TEX36: variants seen among roughly 807,000 people sequenced by gnomAD.
The protein encoded by TEX36 is testis expressed 36, also known as testis-expressed protein 36.
In TEX36, 12 loss-of-function variants were observed where a neutral mutation model predicts 13.6. The observed-to-expected ratio is 0.88, with a 90% CI of 0.56 to 1.43. The LOEUF is 1.43. Among genes scored for constraint, TEX36 ranks in the 40% most tolerant of loss-of-function variants. TEX36 has a pLI of 0.00. For synonymous variants in TEX36, 93 were observed against 83.0 expected (o/e 1.12, Z -0.65); for missense variants, 224 against 228.3 (o/e 0.98, Z 0.12).
chr10:125,661,768 TTGGCCCAACG>T, intron 2 of TEX36, 68 bp downstream of exon 2: 1 of 1,516,428 alleles, frequency 6.6e-7, no homozygotes, highest in Non-Finnish European at 8.9e-7. Context: ...GAAGAATTGT[TTGGCCCAACG>T]TGCCAGCGGC....
intron 3 of TEX36, among the ~76,000 whole-genome samples, chr10:125,657,436 C>CG (rs1846967147): frequency 6.6e-6 from 1 of 151,996 alleles, no homozygotes. Flanking sequence ...GTGTATGACG[C>CG]GGGGCACAAT....
intron 3 of TEX36, among the ~76,000 whole-genome samples, chr10:125,626,518 T>G (rs1422254214): frequency 6.6e-6 from 1 of 152,228 alleles, no homozygotes; most frequent in South Asian, 2.1e-4. Context: ...TCGTGAATGC[T>G]TGCTCCACAC....
At chr10:125,624,679 GAA>G (rs199732825) in intron 3 of TEX36, among the ~76,000 whole-genome samples, 11 of 116,432 alleles carry the variant, frequency 9.4e-5, no homozygotes, top group African/African-American at 3.3e-4. Flanking sequence ...TAATTCTACA[GAA>G]AAAAAAAAAA....
At chr10:125,651,254 G>T (rs1386183960), downstream of TEX36, among the ~76,000 whole-genome samples, 2 of 152,028 alleles carry the variant, frequency 1.3e-5, no homozygotes, top group Non-Finnish European at 2.9e-5. Context: ...TCAATAAAAT[G>T]CTGGCAAACC....
At chr10:125,676,534 A>AACTTTTTTTT in intron 1 of TEX36, among the ~76,000 whole-genome samples, 1 of 151,966 alleles carries the variant, frequency 6.6e-6, no homozygotes, top group Admixed American at 6.6e-5. Context: ...TGTAAGCAGC[A>AACTTTTTTTT]TATAGTTGGA....
chr10:125,576,798 G>A, exon 4 of TEX36: 1 of 1,535,938 alleles, frequency 6.5e-7, no homozygotes, highest in African/African-American at 1.4e-5. Context: ...ATGAGGAATG[G>A]ACTGGGTCCT....
Position 125,679,144 on chromosome 10 carries a change from CCCG to C in TEX36, c.51+3792_51+3794del, listed in dbSNP as rs1307359030. ...TGGCTCTGGCTACAGGAGCACCCCC[CCCG>C]CCCCCGCCAAGCTGACAACTTAGTT... On this transcript the variant is annotated intron_variant, in intron 1 of 3. Transcript: ENST00000368821. Among the ~76,000 whole-genome samples the C allele has an allele frequency of 1.0e-4, 14 of 139,474 alleles. 1 individual carries two copies. The highest frequency in any genetic ancestry group is 3.6e-4 in the African/African-American group (12 of 33,476). 91.5% of individuals were successfully genotyped at this position (139,474 alleles called of 152,430 possible).
chr10:125,653,199 G>T (rs1366477022), downstream of TEX36, among the ~76,000 whole-genome samples: 1 of 152,084 alleles, frequency 6.6e-6, no homozygotes, highest in East Asian at 1.9e-4. Flanking sequence ...TATGTTTATT[G>T]TGGCACTATT....
intron 3 of TEX36, among the ~76,000 whole-genome samples, chr10:125,658,738 C>A (rs2092971792): frequency 6.6e-6 from 1 of 151,668 alleles, no homozygotes; most frequent in South Asian, 2.1e-4. Context: ...AAATTTTTAA[C>A]CATATAGATA....
At chr10:125,576,618 G>T in exon 4 of TEX36, 1 of 1,259,572 alleles carries the variant, frequency 7.9e-7, no homozygotes, top group Non-Finnish European at 1.1e-6. Flanking sequence ...ATTTTTCCAA[G>T]AATGCTGAAT....
At chr10:125,646,945 G>A (rs1846778994) in intron 3 of TEX36, among the ~76,000 whole-genome samples, 1 of 152,142 alleles carries the variant, frequency 6.6e-6, no homozygotes, top group South Asian at 2.1e-4. Context: ...TAGAAAAGGA[G>A]AGAAAGCTGC....
chr10:125,642,613 G>T (rs1428354208), intron 3 of TEX36, among the ~76,000 whole-genome samples: 1 of 152,150 alleles, frequency 6.6e-6, no homozygotes, highest in Non-Finnish European at 1.5e-5. Flanking sequence ...TTAGGTGGCT[G>T]CCAGGTGTGA....
intron 3 of TEX36, among the ~76,000 whole-genome samples, chr10:125,649,785 C>G (rs1215171430): frequency 6.6e-6 from 1 of 151,878 alleles, no homozygotes. Flanking sequence ...AGGCTCAAAA[C>G]AAAGGGATGA....
At chr10:125,612,139 G>T (rs566576698) in intron 3 of TEX36, among the ~76,000 whole-genome samples, 46 of 146,652 alleles carry the variant, frequency 3.1e-4, no homozygotes, top group Non-Finnish European at 4.8e-4. Flanking sequence ...AGGCTGGAGT[G>T]AGGTGGCAAT....
chr10:125,585,835 T>C (rs988672896), intron 3 of TEX36, among the ~76,000 whole-genome samples: 6 of 152,254 alleles, frequency 3.9e-5, no homozygotes, highest in African/African-American at 1.4e-4. Flanking sequence ...CCATGTCACA[T>C]AAAACTTTCA....
chr10:125,639,734 A>T lies in TEX36; in HGVS notation c.265-18089T>A, dbSNP rs116495069. Among the ~76,000 whole-genome samples the T allele has an allele frequency of 3.3e-5, 5 of 152,348 alleles. No homozygotes were observed. In the South Asian group the frequency reaches 1.0e-3, roughly 32 times the overall value. On this transcript the variant is annotated intron_variant, in intron 3 of 3. Transcript: ENST00000526819. Reference sequence around the variant, plus strand: ...TATCCTCGTTGATTGAAGTTATCCAACAGAGTCAAATCCTTTCTCTAAACA... The same window carrying T: ...TATCCTCGTTGATTGAAGTTATCCATCAGAGTCAAATCCTTTCTCTAAACA...
intron 3 of TEX36, among the ~76,000 whole-genome samples, chr10:125,636,935 TC>T (rs1455682334): frequency 1.3e-5 from 2 of 152,056 alleles, no homozygotes; most frequent in Non-Finnish European, 2.9e-5. Flanking sequence ...AATTTTCCCC[TC>T]CCCCAGGCCC....
intron 3 of TEX36, among the ~76,000 whole-genome samples, chr10:125,656,973 G>A (rs958138788): frequency 2.0e-5 from 3 of 152,046 alleles, no homozygotes; most frequent in Non-Finnish European, 4.4e-5. Context: ...AGGGCTCCCT[G>A]AAGGACCCAG....
chr10:125,608,085 G>A (rs1042825223), intron 3 of TEX36, among the ~76,000 whole-genome samples: 1 of 152,190 alleles, frequency 6.6e-6, no homozygotes, highest in Non-Finnish European at 1.5e-5. Context: ...AGACTGATGA[G>A]GAAACAGGTT....
Sources: gnomAD v4.1 joint callset for allele counts (sites outside exome capture counted in the v4.1 genomes callset) on GRCh38, gnomAD v4.1.1 for gene constraint, MANE v1.5 for transcripts, NCBI Gene and HGNC (gene_info 2026-07-23, HGNC 2026-07-21) for gene names.